Variants in DMD observed in about 807,000 individuals in gnomAD.
DMD encodes dystrophin.
A neutral mutation model predicts 330.1 loss-of-function variants in DMD; 63 were observed. The observed-to-expected ratio is 0.19, with a 90% CI of 0.16 to 0.24. The LOEUF (loss-of-function observed/expected upper bound fraction) is 0.24, where lower values mean the gene tolerates loss of function less well. Ranked by LOEUF, DMD falls within the 10% of genes least tolerant of loss-of-function variation. The pLI is 1.00. For synonymous variants in DMD, 1,223 were observed against 959.8 expected (o/e 1.27, Z -5.07); for missense variants, 3,344 against 2,684.1 (o/e 1.25, Z -5.43).
intron 55 of DMD, among the ~76,000 whole-genome samples, chrX:31,510,876 AC>A (rs972871148): frequency 3.6e-5 from 4 of 111,341 alleles, no homozygotes; most frequent in African/African-American, 6.5e-5. Flanking sequence ...AAAAATGTTC[AC>A]ACTGAAAAGG....
At chrX:31,906,883 G>T (rs902816785) in intron 47 of DMD, among the ~76,000 whole-genome samples, 3 of 111,814 alleles carry the variant, frequency 2.7e-5, no homozygotes. Flanking sequence ...CTTAAATGTA[G>T]ACCTACTAAA....
intron 44 of DMD, among the ~76,000 whole-genome samples, chrX:32,086,645 G>A (rs1372764924): frequency 9.0e-6 from 1 of 111,581 alleles, no homozygotes; most frequent in Non-Finnish European, 1.9e-5. Context: ...AGATGATGTA[G>A]CTGCTTGAGG....
intron 61 of DMD, among the ~76,000 whole-genome samples, chrX:31,338,863 T>A (rs2692979): frequency 0.07 from 7,413 of 106,509 alleles, 241 homozygotes; most frequent in African/African-American, 0.11. Flanking sequence ...GCTAAGTTTA[T>A]GAAGATTCTT....
chrX:31,785,517 C>T (rs964233510), intron 50 of DMD, among the ~76,000 whole-genome samples: 6 of 111,439 alleles, frequency 5.4e-5, no homozygotes, highest in South Asian at 7.5e-4. Flanking sequence ...AGGTTTGCTA[C>T]GTAGGTATAC....
At chrX:32,643,865 G>C (rs1569372636) in intron 11 of DMD, among the ~76,000 whole-genome samples, 1 of 111,819 alleles carries the variant, frequency 8.9e-6, no homozygotes, top group Non-Finnish European at 1.9e-5. Flanking sequence ...GGAAAACCTA[G>C]AAAATAATAA....
chrX:31,536,061 TAG>T (rs1345256897), intron 55 of DMD, among the ~76,000 whole-genome samples: 2 of 111,928 alleles, frequency 1.8e-5, no homozygotes, highest in African/African-American at 6.5e-5. Context: ...GAATAGTTAT[TAG>T]ATTCTTTTGA....
chrX:32,730,715 A>G (rs190540553), intron 7 of DMD, among the ~76,000 whole-genome samples: 3 of 112,401 alleles, frequency 2.7e-5, no homozygotes, highest in East Asian at 5.6e-4. Context: ...TATTTTGAAT[A>G]ATGAAGTTAC....
chrX:32,675,775 G>C lies in DMD; in HGVS notation c.960+22095C>G, dbSNP rs147381415. Among the ~76,000 whole-genome samples, 469 of 111,573 alleles carry C rather than the reference G, an allele frequency of 4.2e-3. 4 individuals are homozygous for C. The highest frequency in any genetic ancestry group is 0.014 in the African/African-American group (443 of 30,801). ...TTATCAATTTTCTCAAGTGTAAAAT[G>C]GATATATTAACAGAATCTTCTCAAT... On this transcript the variant is annotated intron_variant, in intron 9 of 78. Coordinates refer to ENST00000357033, the MANE Select transcript of DMD (RefSeq NM_004006.3).
At chrX:32,815,532 C>T (rs905929163) in intron 6 of DMD, among the ~76,000 whole-genome samples, 3 of 96,433 alleles carry the variant, frequency 3.1e-5, no homozygotes, top group South Asian at 4.5e-4. Context: ...CACACACACA[C>T]ACACATATAT....
At chrX:31,860,820 T>C (rs910451844) in intron 48 of DMD, among the ~76,000 whole-genome samples, 3 of 112,403 alleles carry the variant, frequency 2.7e-5, no homozygotes, top group African/African-American at 3.2e-5. Flanking sequence ...CAATGTATTG[T>C]TAGATAAATA....
intron 1 of DMD, among the ~76,000 whole-genome samples, chrX:33,144,077 A>C (rs1184002050): frequency 8.9e-6 from 1 of 112,243 alleles, no homozygotes; most frequent in Non-Finnish European, 1.9e-5. Context: ...TCAAGTTTCA[A>C]CTGTGGTTTG....
rs758008349 is a variant in DMD at position 33,010,102 on chromosome X, A to G, written c.93+10037T>C. Among the ~76,000 whole-genome samples the G allele has an allele frequency of 3.1e-5, 3 of 96,992 alleles. 1 individual carries two copies. The highest frequency in any genetic ancestry group is 2.4e-4 in the Admixed American group (2 of 8,170). 84.2% of individuals were successfully genotyped at this position (96,992 alleles called of 115,157 possible). A position where few individuals can be genotyped will look rare whatever the true frequency, so the allele number is the denominator to read the frequency against. On this transcript the variant is annotated intron_variant, in intron 2 of 78. Coordinates refer to ENST00000357033, the MANE Select transcript of DMD (RefSeq NM_004006.3). ...TGCACATGTGTATATATACATGTAT[A>G]TGCACATATGTGCACATGTGTGTAT...
chrX:32,287,864 T>C (rs1245775780), intron 42 of DMD, among the ~76,000 whole-genome samples, 163 bp from the exon 43 acceptor site: 1 of 110,710 alleles, frequency 9.0e-6, no homozygotes, highest in East Asian at 2.8e-4. Flanking sequence ...GACTTTGACA[T>C]GTTCAAATTC....
At chrX:32,209,674 C>A (rs1331435879) in intron 44 of DMD, among the ~76,000 whole-genome samples, 3 of 111,081 alleles carry the variant, frequency 2.7e-5, no homozygotes, top group Admixed American at 9.6e-5. Flanking sequence ...TTTGTAGTCT[C>A]TTACTCTCTT....
intron 61 of DMD, among the ~76,000 whole-genome samples, chrX:31,343,676 A>C (rs1490357188): frequency 9.1e-6 from 1 of 109,762 alleles, no homozygotes; most frequent in Admixed American, 9.9e-5. Flanking sequence ...AGAGAGAATA[A>C]GATAAACAGA....
At chrX:33,182,629 C>T (rs926433764) in intron 1 of DMD, among the ~76,000 whole-genome samples, 4 of 111,053 alleles carry the variant, frequency 3.6e-5, no homozygotes, top group African/African-American at 1.3e-4. Context: ...GTGATTTCAT[C>T]ACATGCCAAT....
intron 43 of DMD, among the ~76,000 whole-genome samples, chrX:32,272,803 G>A (rs915757931): frequency 4.5e-5 from 5 of 111,922 alleles, no homozygotes; most frequent in African/African-American, 9.7e-5. Context: ...TCCATCCTAC[G>A]TGTCCAGAAA....
In DMD at chrX:32,573,836, T is replaced by A. The variant is rs748542281; in HGVS notation, c.1613A>T (p.Asp538Val). ...ALEEQLKVLG[D>V]RWANICRWTE... is the part of the protein sequence containing the mutation. ...CCATCTACAGATGTTTGCCCATCGATCTCCCAATACCTGGAGAAGAGACAA... is the reference window on the plus strand; with the variant it reads ...CCATCTACAGATGTTTGCCCATCGAACTCCCAATACCTGGAGAAGAGACAA... Residue 538 changes from aspartate to valine, a missense_variant, in exon 14 of 79, where the codon GAT becomes GTT. Transcript: ENST00000357033. The A allele has an allele frequency of 2.5e-6, 3 of 1,206,201 alleles. No individual in the cohort carries two copies. The highest frequency in any genetic ancestry group is 3.4e-6 in the Non-Finnish European group (3 of 890,809).
At position 32,070,203 on chromosome X, in the gene DMD, G is replaced by A. The variant is rs143222969; in HGVS notation, c.6439-101689C>T. On this transcript the variant is annotated intron_variant, in intron 44 of 78. Coordinates refer to ENST00000357033, the MANE Select transcript of DMD (RefSeq NM_004006.3). Reference sequence around the variant, plus strand: ...AGGAAGCAGGCGCTCTCCCCACCCCGCTCAAACTGCTGAGGAAGGTGAACC... The same window carrying A: ...AGGAAGCAGGCGCTCTCCCCACCCCACTCAAACTGCTGAGGAAGGTGAACC... Among the ~76,000 whole-genome samples, 5 of 111,066 alleles carry A rather than the reference G, an allele frequency of 4.5e-5. No homozygotes were observed. The East Asian group carries it at 1.4e-3, about 32-fold the overall frequency.
Sources: gnomAD v4.1 joint callset for allele counts (sites outside exome capture counted in the v4.1 genomes callset) on GRCh38, gnomAD v4.1.1 for gene constraint, MANE v1.5 for transcripts, NCBI Gene and HGNC (gene_info 2026-07-23, HGNC 2026-07-21) for gene names.